The following UNC79 variants were observed in gnomAD, a reference collection of about 807,000 sequenced individuals.
UNC79 encodes unc-79 subunit of NALCN channel complex.
UNC79 carries 37 observed loss-of-function variants against 283.1 expected under a neutral mutation model. The observed-to-expected ratio is 0.13, with a 90% CI of 0.10 to 0.17. UNC79 has a LOEUF of 0.17. Among genes scored for constraint, UNC79 ranks in the 10% least tolerant of loss-of-function variants. The pLI is 1.00. For synonymous variants in UNC79, 1,107 were observed against 1,200.2 expected (o/e 0.92, Z 1.61); for missense variants, 2,272 against 3,211.1 (o/e 0.71, Z 7.07).
At chr14:93,416,524 A>C (rs956937813) in intron 1 of UNC79, among the ~76,000 whole-genome samples, 2 of 152,140 alleles carry the variant, frequency 1.3e-5, no homozygotes, top group Non-Finnish European at 2.9e-5. Flanking sequence ...AGTTCTGTAG[A>C]TGTCTATTAG....
chr14:93,547,855 A>T lies in UNC79; in HGVS notation c.1755+5159A>T, dbSNP rs183344114. On this transcript the variant is annotated intron_variant, in intron 14 of 48. Coordinates refer to ENST00000555664, the Ensembl canonical transcript of UNC79. ...AAAATAAAAAAAAAATTATCCTGGC[A>T]TGTTGGCTCGCACCTGTAGTCCCAG... Among the ~76,000 whole-genome samples the T allele has an allele frequency of 1.9e-3, 292 of 152,102 alleles. 2 individuals carry two copies. The highest frequency in any genetic ancestry group is 6.7e-3 in the African/African-American group (276 of 41,498).
intron 1 of UNC79, among the ~76,000 whole-genome samples, chr14:93,404,362 TA>T (rs2055172625): frequency 6.7e-6 from 1 of 149,210 alleles, no homozygotes; most frequent in South Asian, 2.1e-4. Flanking sequence ...TGATGGCATG[TA>T]CCTGTAGTCC....
chr14:93,459,810 A>G (rs1386583449), intron 1 of UNC79, among the ~76,000 whole-genome samples: 2 of 84,744 alleles, frequency 2.4e-5, no homozygotes, highest in African/African-American at 9.9e-5. Flanking sequence ...AGCTGGGATT[A>G]CAGGCGCCCA....
chr14:93,398,207 G>T (rs1217988679), intron 1 of UNC79, among the ~76,000 whole-genome samples: 2 of 152,158 alleles, frequency 1.3e-5, no homozygotes, highest in African/African-American at 4.8e-5. Flanking sequence ...TTATGTGTGT[G>T]TGCCACAAGG....
intron 7 of UNC79, among the ~76,000 whole-genome samples, chr14:93,522,665 G>C (rs576958717): frequency 6.6e-6 from 1 of 152,114 alleles, no homozygotes; most frequent in South Asian, 2.1e-4. Flanking sequence ...TCATCAATCT[G>C]TTCATGTACT....
At chr14:93,452,768 C>T (rs1194284054) in intron 1 of UNC79, among the ~76,000 whole-genome samples, 1 of 152,090 alleles carries the variant, frequency 6.6e-6, no homozygotes, top group Non-Finnish European at 1.5e-5. Context: ...TAGCACCTAC[C>T]TCATAGAATT....
At position 93,474,273 on chromosome 14, in the gene UNC79, C is replaced by G; in HGVS notation, c.328C>G (p.Arg110Gly). The G allele has an allele frequency of 6.5e-7, 1 of 1,536,078 alleles. No homozygotes were observed. Among genetic ancestry groups the G allele is most frequent in the Non-Finnish European group, 8.7e-7 (1 of 1,146,880 alleles). ...CGTCCTGCGAGATGCTCCCTCAGAA[C>G]GCGGCCCGCAAAGTCGTGATGCTCA... Residue 110 changes from arginine to glycine, a missense_variant, in exon 3 of 49, where the codon CGC becomes GGC. Physicochemically the swap from Arg to Gly is moderately radical, Grantham distance 125. Transcript: ENST00000555664. The surrounding 1 kb of genome is among the most constrained non-coding windows in gnomAD (Gnocchi z 4.1).
chr14:93,414,187 C>G (rs1488666154), intron 1 of UNC79, among the ~76,000 whole-genome samples: 2 of 151,970 alleles, frequency 1.3e-5, no homozygotes, highest in African/African-American at 2.4e-5. Context: ...TTTAATCCAT[C>G]TTGAATTAAT....
chr14:93,703,091 C>T (rs115800304), intron 47 of UNC79, among the ~76,000 whole-genome samples: 2,273 of 152,316 alleles, frequency 0.015, 49 homozygotes, highest in African/African-American at 0.049. Context: ...CTTTTCTAAA[C>T]TTGTTTTTCA....
rs1004056769 is a variant in UNC79 at position 93,505,896 on chromosome 14, T to C, written c.898+8610T>C. On this transcript the variant is annotated intron_variant, in intron 7 of 48. Coordinates refer to ENST00000555664, the Ensembl canonical transcript of UNC79. ...CCAGTATAAAGTAGTACTTTTATAT[T>C]GCTGCGTAAAGTGGCAGAAAATTTT... 5.9e-5 allele frequency among the ~76,000 whole-genome samples: 9 copies of C among 152,064 alleles called. No individual in the cohort carries two copies. In the South Asian group the frequency reaches 1.7e-3, roughly 28 times the overall value.
At chr14:93,464,005 C>T (rs997717910) in intron 1 of UNC79, among the ~76,000 whole-genome samples, 8 of 152,064 alleles carry the variant, frequency 5.3e-5, no homozygotes, top group African/African-American at 1.4e-4. Flanking sequence ...AAAAATTAGC[C>T]GGGCGTGGTG....
chr14:93,522,618 C>T (rs1392890680), intron 7 of UNC79, among the ~76,000 whole-genome samples: 1 of 152,104 alleles, frequency 6.6e-6, no homozygotes, highest in Non-Finnish European at 1.5e-5. Context: ...GGAAACTAAT[C>T]TCATAGTTAT....
At chr14:93,581,134 A>G (rs950140798) in intron 19 of UNC79, among the ~76,000 whole-genome samples, 2 of 152,134 alleles carry the variant, frequency 1.3e-5, no homozygotes, top group Non-Finnish European at 2.9e-5. Flanking sequence ...ACTACCCTGG[A>G]CAACCAGTAT....
intron 40 of UNC79, among the ~76,000 whole-genome samples, chr14:93,662,941 G>T (rs1258630140): frequency 6.6e-6 from 1 of 152,078 alleles, no homozygotes; most frequent in East Asian, 1.9e-4. Flanking sequence ...CACATATGCA[G>T]ATTCAGAGAA....
intron 1 of UNC79, among the ~76,000 whole-genome samples, chr14:93,366,886 T>A (rs2054346310): frequency 6.6e-6 from 1 of 152,194 alleles, no homozygotes; most frequent in African/African-American, 2.4e-5. Flanking sequence ...CTTAATTCTT[T>A]TTATTTTACC....
chr14:93,341,664 C>T (rs568322013), intron 1 of UNC79, among the ~76,000 whole-genome samples: 1 of 150,848 alleles, frequency 6.6e-6, no homozygotes, highest in Admixed American at 6.6e-5. Flanking sequence ...TTCCCACCTA[C>T]TTGGGAGGCT....
At chr14:93,618,439 T>A in intron 29 of UNC79, 85 bp downstream of exon 30, 2 of 1,321,584 alleles carry the variant, frequency 1.5e-6, no homozygotes, top group Non-Finnish European at 2.0e-6. Context: ...AGAAGAGTGT[T>A]CCCAGATATC....
rs75042328 is a variant in UNC79 at position 93,629,369 on chromosome 14, G to C, written c.5609-1432G>C. Among the ~76,000 whole-genome samples the C allele has an allele frequency of 8.5e-4, 129 of 152,338 alleles. 3 individuals are homozygous for C. The East Asian group carries it at 0.017, about 20-fold the overall frequency. ...AGAGTGCAGGCCAGTAAGGGTAAGA[G>C]AGATAATTATGCATGTTTTTGATTA... is the stretch of plus-strand genomic sequence containing the variant. On this transcript the variant is annotated intron_variant, in intron 30 of 48. Transcript: ENST00000555664.
chr14:93,499,600 G>A (rs938882805), intron 7 of UNC79, among the ~76,000 whole-genome samples: 11 of 152,084 alleles, frequency 7.2e-5, no homozygotes, highest in Non-Finnish European at 1.2e-4. Context: ...TATTCTAGGC[G>A]CTTTTGGTGA....
Sources: allele counts gnomAD v4.1 joint callset (sites outside exome capture counted in the v4.1 genomes callset), GRCh38; gene constraint gnomAD v4.1.1; non-coding constraint Gnocchi (gnomAD v3.1); transcripts MANE v1.5; gene names NCBI Gene and HGNC (gene_info 2026-07-23, HGNC 2026-07-21).